The following SLC45A1 variants were observed in gnomAD, a reference collection of about 807,000 sequenced individuals.
SLC45A1 encodes solute carrier family 45 member 1, also known as proton-associated sugar transporter A.
Under a neutral mutation model 57.6 loss-of-function variants are expected in SLC45A1, and 28 were observed. The observed-to-expected ratio is 0.49, with a 90% CI of 0.36 to 0.67. SLC45A1 has a LOEUF of 0.67. Among genes scored for constraint, SLC45A1 ranks in the 30% least tolerant of loss-of-function variants. The probability of loss-of-function intolerance (pLI) is 0.00; values close to 1 mark genes in which losing one functional copy is unlikely to be tolerated. For missense variants in SLC45A1, 814 were observed against 1,041.5 expected, an observed-to-expected ratio of 0.78 and a Z score of 3.01; for synonymous variants, 459 against 471.5, an observed-to-expected ratio of 0.97 and a Z score of 0.34.
intron 6 of SLC45A1, among the ~76,000 whole-genome samples, chr1:8,336,365 G>A (rs1640611357): frequency 6.7e-6 from 1 of 149,716 alleles, no homozygotes; most frequent in African/African-American, 2.5e-5. Context: ...AGCTGAGACT[G>A]CACCACTGCA....
At chr1:8,333,934 G>A (rs771612511) in intron 5 of SLC45A1, among the ~76,000 whole-genome samples, 1 of 152,264 alleles carries the variant, frequency 6.6e-6, no homozygotes, top group Non-Finnish European at 1.5e-5. Context: ...GAAAGGGTTT[G>A]AGGAACTGGA....
At chr1:8,318,996 A>G (rs951246523) in intron 1 of SLC45A1, among the ~76,000 whole-genome samples, 4 of 152,168 alleles carry the variant, frequency 2.6e-5, no homozygotes, top group African/African-American at 9.7e-5. Flanking sequence ...AAGAAGCATG[A>G]GGGGTCGGGC....
chr1:8,320,728 CA>C (rs1639986473), intron 1 of SLC45A1, among the ~76,000 whole-genome samples: 2 of 109,994 alleles, frequency 1.8e-5, no homozygotes, highest in Non-Finnish European at 2.0e-5. Context: ...CACACACACA[CA>C]CACACCTGCC....
At chr1:8,319,583 C>G (rs957982617) in intron 1 of SLC45A1, among the ~76,000 whole-genome samples, 1 of 152,112 alleles carries the variant, frequency 6.6e-6, no homozygotes, top group African/African-American at 2.4e-5. Context: ...TCCTTTTGAC[C>G]GAGTAAATGG....
chr1:8,326,073 T>C lies in SLC45A1; in HGVS notation c.715+31T>C. The C allele has an allele frequency of 6.4e-7, 1 of 1,568,392 alleles. No homozygotes were observed. The highest frequency in any genetic ancestry group is 1.3e-5 in the African/African-American group (1 of 74,408). ...TCTCCGCAGCAGGGCCGAAGCTGAA[T>C]CTGCCGGGCTGCAGGCTTCAGACGT... On this transcript the variant is annotated intron_variant, in intron 4 of 8. Transcript: ENST00000471889. This position sits in a 1 kb window ranked among gnomAD's most constrained non-coding sequence, Gnocchi z 5.5.
At chr1:8,337,444 A>G (rs1304635659) in intron 6 of SLC45A1, among the ~76,000 whole-genome samples, 1 of 152,104 alleles carries the variant, frequency 6.6e-6, no homozygotes, top group Non-Finnish European at 1.5e-5. Context: ...TTTGAAATGG[A>G]GTCTCGCTCT....
At position 8,330,095 on chromosome 1, in the gene SLC45A1, G is replaced by A. The variant is rs1029871060; in HGVS notation, c.716-114G>A. The A allele has an allele frequency of 7.6e-7, 1 of 1,317,700 alleles. No homozygotes were observed. Among genetic ancestry groups the A allele is most frequent in the African/African-American group, 1.5e-5 (1 of 67,408 alleles). 81.6% of individuals were successfully genotyped at this position (1,317,700 alleles called of 1,614,324 possible). On this transcript the variant is annotated intron_variant, in intron 4 of 8. Transcript: ENST00000471889. This position sits in a 1 kb window ranked among gnomAD's most constrained non-coding sequence, Gnocchi z 8.4. Reference sequence around the variant, plus strand: ...GGGGTTTAGGTGGAACAGGTTCTGTGCCCACGTCCCTGGAATGGCCTTGGC... The same window carrying A: ...GGGGTTTAGGTGGAACAGGTTCTGTACCCACGTCCCTGGAATGGCCTTGGC...
chr1:8,339,450 G>C (rs759283432), intron 7 of SLC45A1, 43 bp from the exon 8 acceptor site: 1 of 1,599,230 alleles, frequency 6.3e-7, no homozygotes, highest in South Asian at 1.1e-5. Context: ...ATCCCCGGAG[G>C]CTCTGGCCGT....
In SLC45A1 at chr1:8,325,700, C is replaced by A; in HGVS notation, c.491-118C>A. On this transcript the variant is annotated intron_variant, in intron 3 of 8. Transcript: ENST00000471889. The surrounding 1 kb of genome is among the most constrained non-coding windows in gnomAD (Gnocchi z 6.3). The stretch of plus-strand genomic sequence containing the variant: ...CAGGCGGCTTTTCCACCGGGCTGTG[C>A]TTGAGGTTTAAGTTTTAAAAATTCT... 1.0e-6 allele frequency: 1 copy of A among 971,742 alleles called. No homozygotes were observed. Among genetic ancestry groups the A allele is most frequent in the South Asian group, 1.6e-5 (1 of 61,330 alleles). The allele number at this position is 971,742 out of a possible 1,614,324, so 60.2% of individuals were successfully genotyped here. A position where few individuals can be genotyped will look rare whatever the true frequency, so the allele number is the denominator to read the frequency against.
At position 8,330,194 on chromosome 1, in the gene SLC45A1, T is replaced by C; in HGVS notation, c.716-15T>C. 6.2e-7 allele frequency: 1 copy of C among 1,608,994 alleles called. No homozygotes were observed. On this transcript the variant is annotated splice_polypyrimidine_tract_variant and intron_variant, in intron 4 of 8. Transcript: ENST00000471889. The surrounding 1 kb of genome is among the most constrained non-coding windows in gnomAD (Gnocchi z 8.4). Reference sequence around the variant, plus strand: ...CTCCCGCAGAAGGGAACTCAAACCCTGTCTCTTTCCCCAGGTCTCGGAGGA... The same window carrying C: ...CTCCCGCAGAAGGGAACTCAAACCCCGTCTCTTTCCCCAGGTCTCGGAGGA...
At position 8,330,231 on chromosome 1, in the gene SLC45A1, C is replaced by T. The variant is rs186437701; in HGVS notation, c.738C>T (p.Tyr246=). The T allele has an allele frequency of 3.7e-5, 60 of 1,613,716 alleles. No individual in the cohort carries two copies. The highest frequency in any genetic ancestry group is 2.8e-4 in the Admixed American group (17 of 59,990). ...LLAGLGGGFG[Y]VVGGIHWDKT... Reference sequence around the variant, plus strand: ...CAGGTCTCGGAGGAGGCTTTGGATACGTGGTCGGCGGAATCCACTGGGATA... The same window carrying T: ...CAGGTCTCGGAGGAGGCTTTGGATATGTGGTCGGCGGAATCCACTGGGATA... The change falls in exon 5 of 9, where the codon TAC becomes TAT. Residue 246 remains tyrosine (Y), a synonymous_variant. Coordinates refer to ENST00000471889, the MANE Select transcript of SLC45A1 (RefSeq NM_001080397.3). This position sits in a 1 kb window ranked among gnomAD's most constrained non-coding sequence, Gnocchi z 8.4.
At chr1:8,319,340 G>A (rs1324652055) in intron 1 of SLC45A1, among the ~76,000 whole-genome samples, 2 of 152,202 alleles carry the variant, frequency 1.3e-5, no homozygotes, top group African/African-American at 2.4e-5. Flanking sequence ...ACCCCGTGGG[G>A]GGAGCTCATT....
In SLC45A1 at chr1:8,330,118, G is replaced by A; in HGVS notation, c.716-91G>A. On this transcript the variant is annotated intron_variant, in intron 4 of 8. Transcript: ENST00000471889. The surrounding 1 kb of genome is among the most constrained non-coding windows in gnomAD (Gnocchi z 8.4). ...GTGCCCACGTCCCTGGAATGGCCTT[G>A]GCTACCTTCATGTCCTTCTAAGAAC... is the stretch of plus-strand genomic sequence containing the variant. 3 of 1,484,664 alleles carry A rather than the reference G, an allele frequency of 2.0e-6. No individual in the cohort carries two copies. Among genetic ancestry groups the A allele is most frequent in the Non-Finnish European group, 1.8e-6 (2 of 1,093,816 alleles). 92.0% of individuals were successfully genotyped at this position (1,484,664 alleles called of 1,614,324 possible).
intron 8 of SLC45A1, among the ~76,000 whole-genome samples, chr1:8,341,883 G>A (rs1412536826): frequency 1.3e-5 from 2 of 151,930 alleles, no homozygotes; most frequent in Non-Finnish European, 2.9e-5. Flanking sequence ...TTGCACCACT[G>A]CACTCCAGCC....
Position 8,330,837 on chromosome 1 carries a change from A to C in SLC45A1, c.1344A>C (p.Ser448=), listed in dbSNP as rs767163607. The change falls in exon 5 of 9, where the codon TCA becomes TCC. Residue 448 remains serine (S), a synonymous_variant. Transcript: ENST00000471889. The surrounding 1 kb of genome is among the most constrained non-coding windows in gnomAD (Gnocchi z 8.4). The part of the protein sequence containing the change: ...GSLDTSKPRS[S]GILKRPQTLA... Reference sequence around the variant, plus strand: ...TGGACACCTCTAAGCCGAGGTCATCAGGGATTCTGAAGAGACCTCAGACCT... The same window carrying C: ...TGGACACCTCTAAGCCGAGGTCATCCGGGATTCTGAAGAGACCTCAGACCT... The C allele has an allele frequency of 6.2e-7, 1 of 1,613,436 alleles. No homozygotes were observed. Among genetic ancestry groups the C allele is most frequent in the Non-Finnish European group, 8.5e-7 (1 of 1,180,024 alleles).
intron 5 of SLC45A1, among the ~76,000 whole-genome samples, chr1:8,332,061 C>A (rs910154872): frequency 6.6e-6 from 1 of 152,122 alleles, no homozygotes; most frequent in Admixed American, 6.5e-5. Flanking sequence ...CAAAGTGCTG[C>A]GATTACAGGC....
intron 5 of SLC45A1, among the ~76,000 whole-genome samples, chr1:8,332,496 G>C (rs1366789776): frequency 6.6e-6 from 1 of 151,974 alleles, no homozygotes; most frequent in African/African-American, 2.4e-5. Flanking sequence ...CTGATCTGTG[G>C]GGTTTCACGG....
rs191996570 is a variant in SLC45A1, at chr1:8,328,494, C to T, written c.716-1715C>T. Among the ~76,000 whole-genome samples the T allele has an allele frequency of 4.3e-4, 66 of 152,294 alleles. No homozygotes were observed. Among genetic ancestry groups the T allele is most frequent in the Admixed American group, 3.1e-3 (48 of 15,294 alleles). On this transcript the variant is annotated intron_variant, in intron 4 of 8. Coordinates refer to ENST00000471889, the MANE Select transcript of SLC45A1 (RefSeq NM_001080397.3). The surrounding 1 kb of genome is among the most constrained non-coding windows in gnomAD (Gnocchi z 4.6). ...AAGAAGGACGTCGGTTTTTACCTTA[C>T]GCCCGTCTATGAGAATGCACCACTT...
intron 6 of SLC45A1, among the ~76,000 whole-genome samples, chr1:8,336,816 C>T (rs906680041): frequency 2.6e-5 from 4 of 152,140 alleles, no homozygotes; most frequent in Non-Finnish European, 5.9e-5. Context: ...TAAATACCAC[C>T]TTCCTCTACC....
Sources: allele counts gnomAD v4.1 joint callset (sites outside exome capture counted in the v4.1 genomes callset), GRCh38; gene constraint gnomAD v4.1.1; non-coding constraint Gnocchi (gnomAD v3.1); transcripts MANE v1.5; gene names NCBI Gene and HGNC (gene_info 2026-07-23, HGNC 2026-07-21).